SEMA3A: variants seen among roughly 807,000 people sequenced by gnomAD.
The protein encoded by SEMA3A is semaphorin 3A, also known as semaphorin-3A.
Under a neutral mutation model 97.9 loss-of-function variants are expected in SEMA3A, and 29 were observed. The ratio of observed to expected loss-of-function variants is 0.30; its 90% CI spans 0.22 to 0.40. The LOEUF (loss-of-function observed/expected upper bound fraction) is 0.40, where lower values mean the gene tolerates loss of function less well. Ranked by LOEUF, SEMA3A falls within the 10% of genes least tolerant of loss-of-function variation. The pLI, the probability that SEMA3A is intolerant of heterozygous loss-of-function variation, is 1.00. For synonymous variants in SEMA3A, 321 were observed against 323.7 expected, an observed-to-expected ratio of 0.99 and a Z score of 0.09; for missense variants, 763 against 951.3, an observed-to-expected ratio of 0.80 and a Z score of 2.60.
chr7:84,338,513 A>T (rs1291749721), intron 2 of SEMA3A, among the ~76,000 whole-genome samples: 1 of 152,168 alleles, frequency 6.6e-6, no homozygotes, highest in Non-Finnish European at 1.5e-5. Flanking sequence ...ATGATGCCCA[A>T]GAGCTTAAAG....
intron 1 of SEMA3A, among the ~76,000 whole-genome samples, chr7:84,441,015 G>C (rs373615260): frequency 6.6e-6 from 1 of 151,800 alleles, no homozygotes; most frequent in South Asian, 2.1e-4. Flanking sequence ...AAAATTATCC[G>C]GGCGTCGGGG....
intron 4 of SEMA3A, among the ~76,000 whole-genome samples, chr7:84,066,583 C>CA (rs1301083464): frequency 6.7e-6 from 1 of 149,816 alleles, no homozygotes; most frequent in East Asian, 1.9e-4. Context: ...TCTCAGGATA[C>CA]AAAATCAATG....
intron 4 of SEMA3A, among the ~76,000 whole-genome samples, chr7:84,083,948 C>T (rs1409516881): frequency 2.0e-5 from 3 of 151,910 alleles, no homozygotes; most frequent in African/African-American, 7.2e-5. Context: ...AGGCATGATT[C>T]CATTCACAAT....
intron 5 of SEMA3A, among the ~76,000 whole-genome samples, chr7:84,058,852 A>G (rs1793100979): frequency 6.6e-6 from 1 of 152,134 alleles, no homozygotes; most frequent in African/African-American, 2.4e-5. Flanking sequence ...AAGATATTCA[A>G]ATATAAAACT....
intron 1 of SEMA3A, among the ~76,000 whole-genome samples, chr7:84,187,732 C>T (rs1219422596): frequency 6.6e-6 from 1 of 151,756 alleles, no homozygotes; most frequent in East Asian, 1.9e-4. Flanking sequence ...TTATTATTTC[C>T]AAAAATAATT....
chr7:84,023,820 C>T (rs58436795), intron 6 of SEMA3A, among the ~76,000 whole-genome samples: 7,622 of 152,004 alleles, frequency 0.05, 633 homozygotes, highest in African/African-American at 0.17. Context: ...ACCATCCTGG[C>T]TAACACGGTG....
intron 1 of SEMA3A, among the ~76,000 whole-genome samples, chr7:84,162,217 AT>A (rs1457925718): frequency 6.6e-6 from 1 of 152,062 alleles, no homozygotes; most frequent in Non-Finnish European, 1.5e-5. Flanking sequence ...TATTAGGCCT[AT>A]TTTTTCTCTA....
Position 84,084,396 on chromosome 7 carries a change from A to G in SEMA3A, c.454-23838T>C, listed in dbSNP as rs1022190051. Among the ~76,000 whole-genome samples, 16 of 152,144 alleles carry G rather than the reference A, an allele frequency of 1.1e-4. No individual in the cohort carries two copies. The East Asian group carries it at 3.1e-3, about 29-fold the overall frequency. On this transcript the variant is annotated intron_variant, in intron 4 of 16. Coordinates refer to ENST00000265362, the MANE Select transcript of SEMA3A (RefSeq NM_006080.3). ...ACGAAATATAGCAGGGGTGATAAAA[A>G]TTACACAGTAGGAAAAATATGTCTA...
chr7:84,378,406 G>T (rs773216808), intron 1 of SEMA3A, among the ~76,000 whole-genome samples: 1 of 152,106 alleles, frequency 6.6e-6, no homozygotes, highest in Non-Finnish European at 1.5e-5. Context: ...AATGTCCTTT[G>T]CAGGGACATG....
Position 84,042,749 on chromosome 7 carries a change from A to T in SEMA3A, c.667+3575T>A, listed in dbSNP as rs188494607. Reference sequence around the variant, plus strand: ...AGATAGTCTTTCTTCCAAATCATGTATCATCCCACTATTACTCCAAGACAT... The same window carrying T: ...AGATAGTCTTTCTTCCAAATCATGTTTCATCCCACTATTACTCCAAGACAT... On this transcript the variant is annotated intron_variant, in intron 6 of 16. Transcript: ENST00000265362. Among the ~76,000 whole-genome samples, 90 of 152,158 alleles carry T rather than the reference A, an allele frequency of 5.9e-4. 1 individual carries two copies. Among genetic ancestry groups the T allele is most frequent in the Non-Finnish European group, 1.1e-3 (77 of 67,964 alleles).
intron 1 of SEMA3A, among the ~76,000 whole-genome samples, chr7:84,478,216 C>A (rs934180606): frequency 6.6e-6 from 1 of 152,140 alleles, no homozygotes; most frequent in Admixed American, 6.6e-5. Context: ...AATAATCAGT[C>A]CATTAGTATC....
chr7:84,236,477 A>T lies in SEMA3A; in HGVS notation c.-82-41809T>A, dbSNP rs565070984. ...ATATGATTGCCTCTCTTTGCAAGAG[A>T]AAATGAACATTACTAAAATATTAGT... On this transcript the variant is annotated intron_variant, in intron 3 of 3. Coordinates refer to the SEMA3A transcript ENST00000424555. 2.0e-5 allele frequency among the ~76,000 whole-genome samples: 3 copies of T among 152,116 alleles called. No homozygotes were observed. The South Asian group carries it at 6.2e-4, about 31-fold the overall frequency.
At chr7:84,048,815 T>C (rs1792470236) in intron 5 of SEMA3A, among the ~76,000 whole-genome samples, 2 of 152,168 alleles carry the variant, frequency 1.3e-5, no homozygotes, top group African/African-American at 4.8e-5. Flanking sequence ...TTTAGCTTTC[T>C]TTAGGGTAAG....
intron 6 of SEMA3A, among the ~76,000 whole-genome samples, chr7:84,045,041 T>C (rs1476847583): frequency 1.3e-5 from 2 of 151,920 alleles, no homozygotes; most frequent in Admixed American, 6.6e-5. Context: ...ATGTTTTGAG[T>C]AGTCACTTTG....
intron 3 of SEMA3A, among the ~76,000 whole-genome samples, chr7:84,251,785 A>G (rs76535836): frequency 0.027 from 4,172 of 152,294 alleles, 199 homozygotes; most frequent in African/African-American, 0.095. Flanking sequence ...TACAAAATTT[A>G]GAAGCTCTTT....
chr7:84,192,387 G>A (rs1798075249), intron 1 of SEMA3A, among the ~76,000 whole-genome samples: 1 of 151,760 alleles, frequency 6.6e-6, no homozygotes, highest in Non-Finnish European at 1.5e-5. Context: ...TCTTCCTGTT[G>A]TTCATTTCAC....
intron 15 of SEMA3A, among the ~76,000 whole-genome samples, chr7:83,970,551 C>T (rs1420854558): frequency 6.6e-6 from 1 of 152,120 alleles, no homozygotes. Flanking sequence ...GTAGAGAAGA[C>T]AGAGATGGAT....
rs554619640 is a variant in SEMA3A, at chr7:84,063,071, T to A, written c.454-2513A>T. On this transcript the variant is annotated intron_variant, in intron 4 of 16. Coordinates refer to ENST00000265362, the MANE Select transcript of SEMA3A (RefSeq NM_006080.3). ...TTCTCCCAGCACGCCGCTGGAGATCTGAGAACGGGCAGACTGCCTCCTCAA... is the reference window on the plus strand; with the variant it reads ...TTCTCCCAGCACGCCGCTGGAGATCAGAGAACGGGCAGACTGCCTCCTCAA... 5.8e-3 allele frequency among the ~76,000 whole-genome samples: 889 copies of A among 152,008 alleles called. 5 individuals carry two copies. Among genetic ancestry groups the A allele is most frequent in the Middle Eastern group, 0.027 (8 of 292 alleles).
chr7:84,265,127 A>G (rs574082472), intron 3 of SEMA3A, among the ~76,000 whole-genome samples: 2 of 152,090 alleles, frequency 1.3e-5, no homozygotes, highest in East Asian at 3.9e-4. Flanking sequence ...AAGTTAAGGA[A>G]CTCCCCAGGA....
Sources: gnomAD v4.1 joint callset for allele counts (sites outside exome capture counted in the v4.1 genomes callset) on GRCh38, gnomAD v4.1.1 for gene constraint, MANE v1.5 for transcripts, NCBI Gene and HGNC (gene_info 2026-07-23, HGNC 2026-07-21) for gene names.